The following MAST4 variants were observed in gnomAD, a reference collection of about 807,000 sequenced individuals.
MAST4 encodes the protein microtubule associated serine/threonine kinase family member 4.
Under a neutral mutation model 162.7 loss-of-function variants are expected in MAST4, and 89 were observed. That is an observed-to-expected ratio of 0.55 (90% CI 0.46 to 0.65). The LOEUF is 0.65. Among genes scored for constraint, MAST4 ranks in the 30% least tolerant of loss-of-function variants. MAST4 has a pLI of 0.00. For missense variants in MAST4, 3,153 were observed against 3,374.0 expected (o/e 0.93, Z 1.62); for synonymous variants, 1,479 against 1,361.1 (o/e 1.09, Z -1.91).
rs1450395441 is a variant in MAST4, at chr5:67,166,588, C to T, written c.7409C>T (p.Ala2470Val). The T allele has an allele frequency of 1.2e-6, 2 of 1,602,738 alleles. No individual in the cohort carries two copies. The highest frequency in any genetic ancestry group is 1.3e-5 in the African/African-American group (1 of 74,628). The change falls in exon 29 of 29, where the codon GCC (alanine) becomes GTC (valine). Residue 2470 changes from alanine to valine, a missense_variant. Coordinates refer to ENST00000403625, the MANE Select transcript of MAST4 (RefSeq NM_001164664.2). ...SCSSSFPETRAGVREASAASS... is the reference protein window; with the variant it reads ...SCSSSFPETRVGVREASAASS... The stretch of plus-strand genomic sequence containing the variant: ...TCCTCCAGCTTCCCTGAAACCAGGG[C>T]CGGAGTTAGAGAGGCCTCTGCAGCC...
intron 4 of MAST4, chr5:66,986,528 G>A (rs1749516197): frequency 1.6e-5 from 24 of 1,508,730 alleles, no homozygotes; most frequent in Non-Finnish European, 2.0e-5. Context: ...AGCTCATATT[G>A]TTTCCTTTCC....
At chr5:66,783,296 A>G (rs752270690) in intron 2 of MAST4, 1 of 152,106 alleles carries the variant, frequency 6.6e-6, no homozygotes, top group Non-Finnish European at 1.5e-5. Flanking sequence ...TTTTAAGCTT[A>G]TATTTATTGA....
chr5:66,969,131 C>G (rs182696700), intron 4 of MAST4, among the ~76,000 whole-genome samples: 3 of 152,286 alleles, frequency 2.0e-5, no homozygotes, highest in Non-Finnish European at 4.4e-5. Flanking sequence ...TTTACAAACC[C>G]GAAGCCCTTC....
chr5:66,940,036 C>T (rs1336692801), intron 4 of MAST4, among the ~76,000 whole-genome samples: 2 of 152,020 alleles, frequency 1.3e-5, no homozygotes, highest in Non-Finnish European at 2.9e-5. Flanking sequence ...TCCTACACTC[C>T]AGTCTGAGCA....
At chr5:66,923,033 C>G (rs1051003342) in intron 4 of MAST4, among the ~76,000 whole-genome samples, 4 of 152,162 alleles carry the variant, frequency 2.6e-5, no homozygotes, top group African/African-American at 9.7e-5. Flanking sequence ...TTTTCTTTTA[C>G]ATGGTGCTTT....
intron 3 of MAST4, among the ~76,000 whole-genome samples, chr5:66,822,889 C>T (rs1757061409): frequency 2.0e-5 from 3 of 152,168 alleles, no homozygotes; most frequent in Non-Finnish European, 4.4e-5. Context: ...CTGGAGTCAA[C>T]CTGACCAAGG....
intron 4 of MAST4, among the ~76,000 whole-genome samples, chr5:67,036,993 A>G (rs1335868209): frequency 6.6e-6 from 1 of 152,202 alleles, no homozygotes; most frequent in Non-Finnish European, 1.5e-5. Flanking sequence ...AAGGCCAAAA[A>G]GAAATGTATG....
chr5:66,752,073 C>T (rs1378726396), intron 1 of MAST4, among the ~76,000 whole-genome samples: 1 of 152,096 alleles, frequency 6.6e-6, no homozygotes, highest in Non-Finnish European at 1.5e-5. Context: ...GAAATAAAAT[C>T]CTTTACAGAC....
intron 16 of MAST4, among the ~76,000 whole-genome samples, chr5:67,132,632 CT>C (rs146309294): frequency 0.028 from 4,298 of 152,114 alleles, 124 homozygotes; most frequent in African/African-American, 0.074. Context: ...TACAGATAGA[CT>C]TTTTTCCCCA....
chr5:66,951,344 A>G (rs192784760), intron 4 of MAST4, among the ~76,000 whole-genome samples: 1 of 152,266 alleles, frequency 6.6e-6, no homozygotes, highest in East Asian at 1.9e-4. Context: ...CACTGACCTT[A>G]TTCCTTGCCT....
At chr5:66,992,601 T>C (rs897294318) in intron 4 of MAST4, among the ~76,000 whole-genome samples, 1 of 152,224 alleles carries the variant, frequency 6.6e-6, no homozygotes, top group Non-Finnish European at 1.5e-5. Flanking sequence ...TTCTTACTTA[T>C]CAATCTCATC....
chr5:67,166,070 G>C lies in MAST4; in HGVS notation c.6891G>C (p.Val2297=), dbSNP rs748312448. ...CCAGTGGTGGGCGGCCCCTGGAGGTGCTGGAGAAGCCTGTGCATTTGCCAA... is the reference window on the plus strand; with the variant it reads ...CCAGTGGTGGGCGGCCCCTGGAGGTCCTGGAGAAGCCTGTGCATTTGCCAA... ...QPTSGGRPLE[V]LEKPVHLPRP... The change falls in exon 29 of 29, where the codon GTG becomes GTC. Residue 2297 remains valine (V), a synonymous_variant. Coordinates refer to ENST00000403625, the MANE Select transcript of MAST4 (RefSeq NM_001164664.2). 4.1e-5 allele frequency: 66 copies of C among 1,613,498 alleles called. No homozygotes were observed. The South Asian group carries it at 6.9e-4, about 17-fold the overall frequency.
chr5:66,658,841 G>A (rs952255649), intron 1 of MAST4, among the ~76,000 whole-genome samples: 1 of 152,052 alleles, frequency 6.6e-6, no homozygotes, highest in Admixed American at 6.6e-5. Context: ...GAGCAACATG[G>A]TGAGACCTAG....
rs563202769 is a variant in MAST4 at position 66,933,302 on chromosome 5, A to G, written c.674+33320A>G. Among the ~76,000 whole-genome samples, 198 of 152,328 alleles carry G rather than the reference A, an allele frequency of 1.3e-3. 1 individual carries two copies. The highest frequency in any genetic ancestry group is 2.9e-3 in the Admixed American group (44 of 15,302). ...AATTTGACTCACTGGAAGTGAGATC[A>G]TGAGATTTGGAATTGCAGATACATG... On this transcript the variant is annotated intron_variant, in intron 4 of 28. Transcript: ENST00000403625.
intron 3 of MAST4, among the ~76,000 whole-genome samples, chr5:66,870,572 GT>G (rs1264431426): frequency 6.6e-6 from 1 of 151,426 alleles, no homozygotes; most frequent in East Asian, 2.0e-4. Flanking sequence ...ATACAAGTTT[GT>G]TTATAATAAA....
intron 19 of MAST4, 133 bp from the exon 20 acceptor site, chr5:67,141,982 A>G (rs902690443): frequency 8.2e-6 from 8 of 970,224 alleles, no homozygotes; most frequent in Non-Finnish European, 1.2e-5. Context: ...TTGTAGAATG[A>G]AAAAGTATGA....
intron 1 of MAST4, among the ~76,000 whole-genome samples, chr5:66,677,289 A>C (rs1391085522): frequency 6.6e-6 from 1 of 152,178 alleles, no homozygotes; most frequent in Non-Finnish European, 1.5e-5. Context: ...AGGATCCCCA[A>C]GTTACAACGG....
chr5:66,751,079 G>A (rs1753130359), intron 1 of MAST4, among the ~76,000 whole-genome samples: 1 of 151,956 alleles, frequency 6.6e-6, no homozygotes, highest in Non-Finnish European at 1.5e-5. Flanking sequence ...ACCTGCAGCT[G>A]AGGGTCCTGT....
chr5:66,782,405 C>G (rs1375355087), intron 2 of MAST4, among the ~76,000 whole-genome samples: 6 of 152,064 alleles, frequency 3.9e-5, no homozygotes, highest in Non-Finnish European at 8.8e-5. Flanking sequence ...TACATATAAC[C>G]ATACAAGGCT....
Sources: gnomAD v4.1 joint callset for allele counts (sites outside exome capture counted in the v4.1 genomes callset) on GRCh38, gnomAD v4.1.1 for gene constraint, MANE v1.5 for transcripts, NCBI Gene and HGNC (gene_info 2026-07-23, HGNC 2026-07-21) for gene names.